The following UNC13C variants were observed in gnomAD, a reference collection of about 807,000 sequenced individuals.
UNC13C encodes unc-13 homolog C, also known as protein unc-13 homolog C.
UNC13C carries 174 observed loss-of-function variants against 245.4 expected under a neutral mutation model. That is an observed-to-expected ratio of 0.71 (90% CI 0.63 to 0.80). UNC13C has a LOEUF of 0.80. Among genes scored for constraint, UNC13C ranks in the 30% least tolerant of loss-of-function variants. The pLI is 0.00. For missense variants in UNC13C, 2,829 were observed against 2,602.9 expected (o/e 1.09, Z -1.89); for synonymous variants, 992 against 895.1 (o/e 1.11, Z -1.93).
intron 2 of UNC13C, among the ~76,000 whole-genome samples, chr15:54,026,188 T>C (rs1896101238): frequency 1.3e-5 from 2 of 152,190 alleles, no homozygotes; most frequent in South Asian, 4.1e-4. Flanking sequence ...AAATGGGATA[T>C]TTTAAAAAGT....
At chr15:53,880,967 T>C in the UNC13C span, among the ~76,000 whole-genome samples, 20 of 152,248 alleles carry the variant, frequency 1.3e-4, no homozygotes, top group African/African-American at 4.8e-4. Context: ...AAGAGCTGAA[T>C]TGGAGGGAAT....
intron 4 of UNC13C, among the ~76,000 whole-genome samples, chr15:54,213,852 T>TAACAGGTAGTATTGGAA (rs1464737355): frequency 3.3e-5 from 5 of 151,952 alleles, no homozygotes; most frequent in African/African-American, 1.2e-4. Flanking sequence ...TGCTGGAAAC[T>TAACAGGTAGTATTGGAA]TTCAGAGGTG....
rs532184306 is a variant in UNC13C at position 54,436,183 on chromosome 15, T to C, written c.4933+21116T>C. On this transcript the variant is annotated intron_variant, in intron 19 of 32. Coordinates refer to ENST00000260323, the MANE Select transcript of UNC13C (RefSeq NM_001080534.3). ...TTATGGAAGACAGTGTGGCTACTCC[T>C]CAAGGATCTAGAACTAGAAACTGGT... is the stretch of plus-strand genomic sequence containing the variant. Among the ~76,000 whole-genome samples, 79 of 152,082 alleles carry C rather than the reference T, an allele frequency of 5.2e-4. 1 individual carries two copies. Among genetic ancestry groups the C allele is most frequent in the Non-Finnish European group, 9.1e-4 (62 of 67,942 alleles).
chr15:54,264,460 C>A, intron 9 of UNC13C, 65 bp downstream of exon 9: 1 of 1,183,590 alleles, frequency 8.4e-7, no homozygotes, highest in African/African-American at 1.6e-5. Context: ...CTAGAAATAA[C>A]TGCTAATAAT....
intron 4 of UNC13C, among the ~76,000 whole-genome samples, chr15:54,172,703 G>GATATATATAT (rs56316345): frequency 2.7e-4 from 21 of 78,414 alleles, no homozygotes; most frequent in Non-Finnish European, 3.8e-4. Flanking sequence ...TACACACACA[G>GATATATATAT]ATATATATAT....
chr15:54,231,665 A>G (rs1203346508), intron 4 of UNC13C, among the ~76,000 whole-genome samples: 1 of 152,088 alleles, frequency 6.6e-6, no homozygotes, highest in Non-Finnish European at 1.5e-5. Flanking sequence ...TAAGCACCAA[A>G]AAAAATTAGT....
At chr15:54,538,323 A>G (rs961415577) in intron 26 of UNC13C, among the ~76,000 whole-genome samples, 5 of 151,966 alleles carry the variant, frequency 3.3e-5, no homozygotes, top group African/African-American at 9.7e-5. Context: ...CAGGATGACT[A>G]TTAGTAAAAA....
chr15:54,335,609 G>T (rs946384080), intron 16 of UNC13C, among the ~76,000 whole-genome samples: 1 of 152,062 alleles, frequency 6.6e-6, no homozygotes, highest in Admixed American at 6.6e-5. Context: ...CTGTAGGTTT[G>T]CCTTTCCTAG....
At chr15:54,224,269 C>G (rs1213604668) in intron 4 of UNC13C, among the ~76,000 whole-genome samples, 1 of 151,924 alleles carries the variant, frequency 6.6e-6, no homozygotes, top group Non-Finnish European at 1.5e-5. Flanking sequence ...AGCTGTGTGT[C>G]TGTTGTATTT....
intron 2 of UNC13C, among the ~76,000 whole-genome samples, chr15:54,034,372 G>T (rs1228645395): frequency 6.6e-6 from 1 of 152,138 alleles, no homozygotes; most frequent in African/African-American, 2.4e-5. Context: ...GTCTCTCTCT[G>T]GGGCCTTACC....
chr15:54,440,898 C>T (rs1374953185), intron 19 of UNC13C, among the ~76,000 whole-genome samples: 1 of 151,904 alleles, frequency 6.6e-6, no homozygotes, highest in Non-Finnish European at 1.5e-5. Flanking sequence ...ATTTGCATTT[C>T]CCTGATGATT....
chr15:53,896,084 A>G, the UNC13C span, among the ~76,000 whole-genome samples: 2 of 147,640 alleles, frequency 1.4e-5, no homozygotes, highest in Non-Finnish European at 1.5e-5. Flanking sequence ...ATTAGTGACC[A>G]TCATCAAGTC....
At position 54,200,977 on chromosome 15, in the gene UNC13C, C is replaced by T. The variant is rs558102242; in HGVS notation, c.3072-34053C>T. On this transcript the variant is annotated intron_variant, in intron 4 of 32. Transcript: ENST00000260323. ...CAAATAGGCTCAGTTAGAAACGAAA[C>T]GTGAGATATTATAACTGATACCACA... Among the ~76,000 whole-genome samples, 9 of 151,916 alleles carry T rather than the reference C, an allele frequency of 5.9e-5. No individual in the cohort carries two copies. In the South Asian group the frequency reaches 6.2e-4, roughly 11 times the overall value.
chr15:54,266,129 CT>C (rs907565850), intron 10 of UNC13C, among the ~76,000 whole-genome samples: 1 of 151,870 alleles, frequency 6.6e-6, no homozygotes, highest in Non-Finnish European at 1.5e-5. Flanking sequence ...TAAAGACAGT[CT>C]TTTTTCTTTA....
chr15:54,024,823 G>A (rs546686459), intron 2 of UNC13C, among the ~76,000 whole-genome samples: 2 of 152,268 alleles, frequency 1.3e-5, no homozygotes, highest in East Asian at 3.9e-4. Context: ...GCTGAAGCAG[G>A]AGAATGGCGT....
At chr15:54,317,983 T>C (rs2038052714) in intron 13 of UNC13C, among the ~76,000 whole-genome samples, 1 of 152,046 alleles carries the variant, frequency 6.6e-6, no homozygotes, top group Non-Finnish European at 1.5e-5. Flanking sequence ...AGTGAGATCA[T>C]GCTGTATTTG....
rs78161714 is a variant in UNC13C at position 54,233,800 on chromosome 15, C to A, written c.3072-1230C>A. On this transcript the variant is annotated intron_variant, in intron 4 of 32. Transcript: ENST00000260323. ...TGTCATTAGCCTTTGTAGCCTGTTG[C>A]AATGACAGAGATGCCTAGCTATTAC... 3.3e-3 allele frequency among the ~76,000 whole-genome samples: 503 copies of A among 152,230 alleles called. 20 individuals carry two copies. In the East Asian group the frequency reaches 0.064, roughly 19 times the overall value.
At chr15:54,030,687 G>T (rs1014134948) in intron 2 of UNC13C, among the ~76,000 whole-genome samples, 1 of 152,136 alleles carries the variant, frequency 6.6e-6, no homozygotes, top group African/African-American at 2.4e-5. Context: ...AGTTCCAGAG[G>T]TTGGGAAGTT....
intron 4 of UNC13C, among the ~76,000 whole-genome samples, chr15:54,208,740 G>A (rs1035980735): frequency 6.6e-6 from 1 of 152,058 alleles, no homozygotes; most frequent in Non-Finnish European, 1.5e-5. Context: ...GGTTATATAA[G>A]TCTCATTGAA....
Sources: allele counts gnomAD v4.1 joint callset (sites outside exome capture counted in the v4.1 genomes callset), GRCh38; gene constraint gnomAD v4.1.1; transcripts MANE v1.5; gene names NCBI Gene and HGNC (gene_info 2026-07-23, HGNC 2026-07-21).